Variants in RIMS2 observed in about 807,000 individuals in gnomAD.
The protein encoded by RIMS2 is regulating synaptic membrane exocytosis 2, also known as regulating synaptic membrane exocytosis protein 2.
RIMS2 carries 59 observed loss-of-function variants against 174.4 expected under a neutral mutation model. The ratio of observed to expected loss-of-function variants is 0.34; its 90% CI spans 0.27 to 0.42. RIMS2 has a LOEUF of 0.42. RIMS2 is among the 10% of genes least tolerant of loss of function. RIMS2 has a pLI of 1.00. For missense variants in RIMS2, 1,620 were observed against 1,666.3 expected (o/e 0.97, Z 0.48); for synonymous variants, 606 against 572.5 (o/e 1.06, Z -0.84).
In RIMS2 at chr8:103,766,277, A is replaced by G. The variant is rs774468450; in HGVS notation, c.438A>G (p.Lys146=). Residue 146 remains lysine, a synonymous_variant, in exon 3 of 24, where the codon AAA becomes AAG. Coordinates refer to ENST00000504942, the Ensembl canonical transcript of RIMS2. Reference sequence around the variant, plus strand: ...GAAAACAACAAGAAATCCTCACTAAATCAGGAGCATGGTTTTATAATAGTG... The same window carrying G: ...GAAAACAACAAGAAATCCTCACTAAGTCAGGAGCATGGTTTTATAATAGTG... 12 of 1,613,542 alleles carry G rather than the reference A, an allele frequency of 7.4e-6. No homozygotes were observed. In the Admixed American group the frequency reaches 1.0e-4, roughly 13 times the overall value.
chr8:103,761,005 A>G (rs1564540586), intron 2 of RIMS2, among the ~76,000 whole-genome samples: 2 of 152,236 alleles, frequency 1.3e-5, no homozygotes, highest in Non-Finnish European at 2.9e-5. Flanking sequence ...ACTAAATGTA[A>G]TATTATTCTT....
At chr8:103,911,816 A>T (rs1217078931) in intron 5 of RIMS2, among the ~76,000 whole-genome samples, 8 of 152,090 alleles carry the variant, frequency 5.3e-5, no homozygotes, top group African/African-American at 1.9e-4. Context: ...GAACTGTAAG[A>T]ATTGGAAGTA....
At chr8:103,861,878 T>G (rs186063868) in intron 3 of RIMS2, among the ~76,000 whole-genome samples, 1 of 152,194 alleles carries the variant, frequency 6.6e-6, no homozygotes, top group African/African-American at 2.4e-5. Context: ...ATTCTAGATA[T>G]TAGTCCTTTG....
At chr8:103,709,025 G>C (rs963231029) in intron 2 of RIMS2, among the ~76,000 whole-genome samples, 4 of 151,794 alleles carry the variant, frequency 2.6e-5, no homozygotes, top group Non-Finnish European at 4.4e-5. Flanking sequence ...GTGCATTCAA[G>C]TTTACTGGTC....
chr8:103,585,116 A>G (rs1439849069), intron 1 of RIMS2, among the ~76,000 whole-genome samples: 1 of 152,214 alleles, frequency 6.6e-6, no homozygotes, highest in Non-Finnish European at 1.5e-5. Context: ...GAAGACATTT[A>G]TGCGGCCAAC....
intron 19 of RIMS2, among the ~76,000 whole-genome samples, chr8:104,126,706 T>C (rs1188560214): frequency 6.6e-6 from 1 of 152,230 alleles, no homozygotes; most frequent in Non-Finnish European, 1.5e-5. Context: ...CAATACATGT[T>C]AGGCAAAGTT....
At chr8:103,555,827 T>G (rs1226636426) in intron 1 of RIMS2, among the ~76,000 whole-genome samples, 1 of 150,940 alleles carries the variant, frequency 6.6e-6, no homozygotes, top group Non-Finnish European at 1.5e-5. Context: ...AAAAAAGTGC[T>G]ATAAATGCAC....
At chr8:104,190,727 G>T (rs2098993287) in intron 19 of RIMS2, among the ~76,000 whole-genome samples, 1 of 151,794 alleles carries the variant, frequency 6.6e-6, no homozygotes, top group Non-Finnish European at 1.5e-5. Flanking sequence ...ATTTTTTTTG[G>T]CAGCCTATGA....
At chr8:103,731,372 CT>C (rs1161897449) in intron 2 of RIMS2, among the ~76,000 whole-genome samples, 3 of 152,178 alleles carry the variant, frequency 2.0e-5, no homozygotes, top group South Asian at 2.1e-4. Flanking sequence ...TCTGTAGCTG[CT>C]TTTAGGAAGC....
At chr8:104,191,687 A>G (rs1375470154) in intron 19 of RIMS2, among the ~76,000 whole-genome samples, 1 of 152,200 alleles carries the variant, frequency 6.6e-6, no homozygotes, top group Non-Finnish European at 1.5e-5. Flanking sequence ...TTTGCTAATA[A>G]TAAACAATTA....
intron 3 of RIMS2, among the ~76,000 whole-genome samples, chr8:103,859,678 G>GA (rs2099048186): frequency 6.6e-6 from 1 of 151,896 alleles, no homozygotes; most frequent in Non-Finnish European, 1.5e-5. Flanking sequence ...GCAGGAACAA[G>GA]CAAATCTAAT....
intron 2 of RIMS2, among the ~76,000 whole-genome samples, chr8:103,765,519 TG>T (rs1460709913): frequency 6.6e-6 from 1 of 152,216 alleles, no homozygotes; most frequent in Non-Finnish European, 1.5e-5. Flanking sequence ...TTTTATGTTG[TG>T]TCTTTTGCCA....
chr8:103,883,717 A>G (rs372343019), intron 3 of RIMS2, among the ~76,000 whole-genome samples: 17 of 151,792 alleles, frequency 1.1e-4, no homozygotes, highest in African/African-American at 3.9e-4. Context: ...TTGTACTTAC[A>G]TGAGATTTGA....
intron 19 of RIMS2, among the ~76,000 whole-genome samples, chr8:104,216,601 T>C (rs536003276): frequency 1.3e-5 from 2 of 152,366 alleles, no homozygotes; most frequent in East Asian, 3.9e-4. Flanking sequence ...ATCCTCAATA[T>C]GCCTTGGTTT....
intron 1 of RIMS2, among the ~76,000 whole-genome samples, chr8:103,613,637 C>A (rs1285105919): frequency 6.6e-6 from 1 of 152,168 alleles, no homozygotes; most frequent in Non-Finnish European, 1.5e-5. Flanking sequence ...TCACTATAGC[C>A]ACCGCAGCTG....
intron 1 of RIMS2, among the ~76,000 whole-genome samples, chr8:103,665,991 A>C (rs2096664137): frequency 1.3e-5 from 2 of 152,154 alleles, no homozygotes; most frequent in Admixed American, 6.6e-5. Context: ...ATTTCAGTTG[A>C]CTTGTTAGAA....
intron 19 of RIMS2, among the ~76,000 whole-genome samples, chr8:104,121,280 A>G (rs2098370273): frequency 6.6e-6 from 1 of 152,182 alleles, no homozygotes; most frequent in South Asian, 2.1e-4. Flanking sequence ...AGGAAGTGCA[A>G]ATAAATAGGA....
At chr8:104,133,076 T>C (rs898197136) in intron 19 of RIMS2, among the ~76,000 whole-genome samples, 1 of 152,216 alleles carries the variant, frequency 6.6e-6, no homozygotes, top group Non-Finnish European at 1.5e-5. Flanking sequence ...ACTTAAGTTC[T>C]AGTGTCAGAC....
chr8:103,805,093 T>C (rs1465408812), intron 3 of RIMS2, among the ~76,000 whole-genome samples: 1 of 152,030 alleles, frequency 6.6e-6, no homozygotes, highest in Non-Finnish European at 1.5e-5. Context: ...ACACCCAGCC[T>C]CATTTAAAAA....
Sources: allele counts gnomAD v4.1 joint callset (sites outside exome capture counted in the v4.1 genomes callset), GRCh38; gene constraint gnomAD v4.1.1; transcripts MANE v1.5; gene names NCBI Gene and HGNC (gene_info 2026-07-23, HGNC 2026-07-21).